Variants in CHL1 observed in about 807,000 individuals in gnomAD.
CHL1 encodes the protein neural cell adhesion molecule L1-like protein.
CHL1 carries 96 observed loss-of-function variants against 141.9 expected under a neutral mutation model. The ratio of observed to expected loss-of-function variants is 0.68; its 90% CI spans 0.57 to 0.80. CHL1 has a LOEUF of 0.80. CHL1 is among the 30% of genes least tolerant of loss of function. The pLI is 0.00. For missense variants in CHL1, 1,820 were observed against 1,457.2 expected (o/e 1.25, Z -4.05); for synonymous variants, 613 against 502.2 (o/e 1.22, Z -2.95).
chr3:371,958 T>G (rs933087558), intron 15 of CHL1, among the ~76,000 whole-genome samples: 5 of 152,012 alleles, frequency 3.3e-5, no homozygotes, highest in Non-Finnish European at 7.4e-5. Flanking sequence ...GCTTGTAGAG[T>G]TTCTTCTGAG....
chr3:201,145 G>T (rs1356801584), intron 1 of CHL1, among the ~76,000 whole-genome samples: 1 of 152,204 alleles, frequency 6.6e-6, no homozygotes, highest in Non-Finnish European at 1.5e-5. Context: ...CTCAATGAAT[G>T]AGTTGGATTG....
chr3:288,871 A>T (rs1233851959), intron 2 of CHL1, among the ~76,000 whole-genome samples: 2 of 152,202 alleles, frequency 1.3e-5, no homozygotes, highest in Non-Finnish European at 2.9e-5. Flanking sequence ...ATTTTCGATA[A>T]TATTTACAAC....
rs563724591 is a variant in CHL1, at chr3:198,890, C to G, written c.-175+1827C>G. The stretch of plus-strand genomic sequence containing the variant: ...AGCAGATTGGAAGAGAGAAACTGAT[C>G]AACTGCCGATGAAGTTGGCTTTTCA... On this transcript the variant is annotated intron_variant, in intron 1 of 27. Coordinates refer to ENST00000256509, the MANE Select transcript of CHL1 (RefSeq NM_006614.4). Among the ~76,000 whole-genome samples the G allele has an allele frequency of 1.5e-3, 229 of 152,344 alleles. 1 individual carries two copies. Among genetic ancestry groups the G allele is most frequent in the African/African-American group, 5.3e-3 (220 of 41,582 alleles).
chr3:209,210 A>C (rs568277474), intron 1 of CHL1, among the ~76,000 whole-genome samples: 1 of 152,348 alleles, frequency 6.6e-6, no homozygotes, highest in South Asian at 2.1e-4. Flanking sequence ...ATTTGCTCTT[A>C]ATTTAGAACC....
At chr3:362,344 G>A (rs1002208930) in intron 13 of CHL1, among the ~76,000 whole-genome samples, 1 of 152,056 alleles carries the variant, frequency 6.6e-6, no homozygotes, top group East Asian at 1.9e-4. Context: ...GAATAATTTT[G>A]TCATTGGTCT....
At chr3:396,427 C>A (rs1292038368) in intron 24 of CHL1, among the ~76,000 whole-genome samples, 1 of 152,150 alleles carries the variant, frequency 6.6e-6, no homozygotes, top group Non-Finnish European at 1.5e-5. Flanking sequence ...TGATCCCATT[C>A]TTACCAATTG....
intron 10 of CHL1, among the ~76,000 whole-genome samples, chr3:352,679 T>A (rs570151786): frequency 6.6e-6 from 1 of 152,288 alleles, no homozygotes; most frequent in South Asian, 2.1e-4. Flanking sequence ...TATTACATGA[T>A]TCAGGACCAG....
chr3:317,506 G>A (rs1700232278), intron 2 of CHL1, among the ~76,000 whole-genome samples: 1 of 151,574 alleles, frequency 6.6e-6, no homozygotes, highest in Admixed American at 6.6e-5. Flanking sequence ...CAAATAAAAG[G>A]CAACTCATAA....
intron 2 of CHL1, among the ~76,000 whole-genome samples, chr3:250,343 A>G (rs140429169): frequency 6.4e-4 from 98 of 152,304 alleles, no homozygotes; most frequent in African/African-American, 2.1e-3. Context: ...CCAGGTTTGT[A>G]TACTATTTTA....
intron 11 of CHL1, among the ~76,000 whole-genome samples, chr3:359,645 A>G (rs933611077): frequency 2.6e-5 from 4 of 152,210 alleles, no homozygotes; most frequent in Admixed American, 6.5e-5. Flanking sequence ...TCCCAGAATT[A>G]TACTTGGATC....
chr3:208,577 T>C (rs908142768), intron 1 of CHL1, among the ~76,000 whole-genome samples: 1 of 152,224 alleles, frequency 6.6e-6, no homozygotes, highest in African/African-American at 2.4e-5. Context: ...TAGGCCTTTA[T>C]TCAACCAGAT....
intron 11 of CHL1, among the ~76,000 whole-genome samples, chr3:359,485 T>C (rs543172867): frequency 3.3e-5 from 5 of 152,008 alleles, no homozygotes; most frequent in Non-Finnish European, 7.4e-5. Flanking sequence ...GTATTTTTAG[T>C]GGAGACAGGG....
intron 3 of CHL1, 150 bp from the exon 4 acceptor site, chr3:325,809 C>T: frequency 2.0e-6 from 1 of 508,708 alleles, no homozygotes; most frequent in Non-Finnish European, 3.5e-6. Context: ...GTACATGTTG[C>T]AAAGAGAGAG....
At chr3:231,256 C>T (rs1701824343) in intron 1 of CHL1, among the ~76,000 whole-genome samples, 1 of 152,058 alleles carries the variant, frequency 6.6e-6, no homozygotes, top group Non-Finnish European at 1.5e-5. Flanking sequence ...AAAATAATTA[C>T]CTTGGTGATT....
rs745808509 is a variant in CHL1 at position 399,034 on chromosome 3, G to A, written c.3271G>A (p.Asp1091Asn). The change falls in exon 26 of 28, where the codon GAT (aspartate) becomes AAT (asparagine). Residue 1091 changes from aspartate (D) to asparagine (N), a missense_variant. Coordinates refer to ENST00000256509, the MANE Select transcript of CHL1 (RefSeq NM_006614.4). The part of the protein sequence containing the change: ...TRGREYAGLY[D>N]DISTQGWFIG... The stretch of plus-strand genomic sequence containing the variant: ...TACCACAGAATATGCTGGTTTATAT[G>A]ATGACATCTCCACTCAAGGCTGGTT... The A allele has an allele frequency of 1.2e-5, 20 of 1,613,188 alleles. No individual in the cohort carries two copies. The South Asian group carries it at 1.8e-4, about 14-fold the overall frequency.
chr3:341,084 C>T (rs1384841862), intron 6 of CHL1, among the ~76,000 whole-genome samples, 168 bp downstream of exon 6: 2 of 152,092 alleles, frequency 1.3e-5, no homozygotes, highest in Admixed American at 6.5e-5. Context: ...GAAGACAATA[C>T]TTCCTATATT....
intron 2 of CHL1, among the ~76,000 whole-genome samples, chr3:255,081 G>C (rs1694034082): frequency 6.6e-6 from 1 of 152,070 alleles, no homozygotes; most frequent in African/African-American, 2.4e-5. Flanking sequence ...ATTTGTATTT[G>C]AATTCAAGAC....
chr3:198,043 A>C, intron 1 of CHL1: 4 of 284,572 alleles, frequency 1.4e-5, no homozygotes, highest in South Asian at 2.8e-5. Flanking sequence ...GGGCCGGGGA[A>C]CTCCTGCGAA....
At chr3:359,212 A>G (rs1233938491) in intron 11 of CHL1, among the ~76,000 whole-genome samples, 2 of 151,958 alleles carry the variant, frequency 1.3e-5, no homozygotes, top group African/African-American at 4.8e-5. Context: ...AGTTCTGAGC[A>G]GTGTCAGTGA....
Sources: gnomAD v4.1 joint callset for allele counts (sites outside exome capture counted in the v4.1 genomes callset) on GRCh38, gnomAD v4.1.1 for gene constraint, MANE v1.5 for transcripts, NCBI Gene and HGNC (gene_info 2026-07-23, HGNC 2026-07-21) for gene names.